The following SGCZ variants were observed in gnomAD, a reference collection of about 807,000 sequenced individuals.
SGCZ encodes the protein sarcoglycan zeta.
In SGCZ, 40 loss-of-function variants were observed where a neutral mutation model predicts 41.3. That is an observed-to-expected ratio of 0.97 (90% CI 0.75 to 1.26). The LOEUF (loss-of-function observed/expected upper bound fraction) is 1.26. Ranked by LOEUF, SGCZ falls within the 50% of genes most tolerant of loss-of-function variation. The pLI is 0.00. For synonymous variants in SGCZ, 206 were observed against 137.5 expected, an observed-to-expected ratio of 1.50 and a Z score of -3.49; for missense variants, 552 against 369.8, an observed-to-expected ratio of 1.49 and a Z score of -4.04.
chr8:15,192,140 T>C (rs1296134412), intron 1 of SGCZ, among the ~76,000 whole-genome samples: 1 of 152,074 alleles, frequency 6.6e-6, no homozygotes, highest in East Asian at 1.9e-4. Flanking sequence ...TACACCAAAA[T>C]ACTATTGGCT....
At chr8:15,083,095 G>A (rs1320113006) in intron 1 of SGCZ, among the ~76,000 whole-genome samples, 1 of 152,054 alleles carries the variant, frequency 6.6e-6, no homozygotes, top group Non-Finnish European at 1.5e-5. Flanking sequence ...ACCAGTACAA[G>A]GAGATAGATC....
At chr8:14,104,429 TAA>T (rs34950929) in intron 6 of SGCZ, among the ~76,000 whole-genome samples, 5 of 150,844 alleles carry the variant, frequency 3.3e-5, no homozygotes, top group Middle Eastern at 3.4e-3. Flanking sequence ...ACTATCAAAT[TAA>T]AAAAAAAATC....
chr8:14,563,411 C>A (rs531621223), intron 1 of SGCZ, among the ~76,000 whole-genome samples: 1 of 152,018 alleles, frequency 6.6e-6, no homozygotes, highest in African/African-American at 2.4e-5. Flanking sequence ...TGTGAGTGGA[C>A]AGAAAGAAAA....
intron 2 of SGCZ, among the ~76,000 whole-genome samples, chr8:14,481,812 G>A (rs972693671): frequency 9.9e-5 from 15 of 152,200 alleles, no homozygotes; most frequent in African/African-American, 3.6e-4. Context: ...AGGGATAACC[G>A]ATTCCTTTAT....
At chr8:14,154,783 T>C (rs998155663) in intron 5 of SGCZ, among the ~76,000 whole-genome samples, 1 of 152,114 alleles carries the variant, frequency 6.6e-6, no homozygotes, top group Non-Finnish European at 1.5e-5. Context: ...ACAGGCACCA[T>C]GAATTAAGGA....
chr8:14,677,091 C>A (rs1808301878), intron 1 of SGCZ, among the ~76,000 whole-genome samples: 1 of 151,982 alleles, frequency 6.6e-6, no homozygotes, highest in South Asian at 2.1e-4. Flanking sequence ...AAAAAAACCT[C>A]TCCTGGAGCA....
At chr8:14,743,887 A>C (rs1799269032) in intron 1 of SGCZ, among the ~76,000 whole-genome samples, 1 of 152,134 alleles carries the variant, frequency 6.6e-6, no homozygotes, top group Non-Finnish European at 1.5e-5. Flanking sequence ...TGATAGATTA[A>C]ATCCCGTGGA....
At chr8:14,590,538 T>C (rs1015098479) in intron 1 of SGCZ, among the ~76,000 whole-genome samples, 1 of 151,002 alleles carries the variant, frequency 6.6e-6, no homozygotes. Flanking sequence ...ATTTAATCTA[T>C]TATTTCTTCT....
chr8:15,089,096 G>A (rs1044902118), intron 1 of SGCZ, among the ~76,000 whole-genome samples: 1 of 152,002 alleles, frequency 6.6e-6, no homozygotes, highest in South Asian at 2.1e-4. Flanking sequence ...AAAGTCTAAC[G>A]TTAAAATGTT....
chr8:15,166,632 T>C (rs1799673887), intron 1 of SGCZ, among the ~76,000 whole-genome samples: 1 of 152,216 alleles, frequency 6.6e-6, no homozygotes, highest in South Asian at 2.1e-4. Context: ...AAAATTCTAA[T>C]GTCTGAGTAT....
chr8:14,707,071 C>T (rs1809355377), intron 1 of SGCZ, among the ~76,000 whole-genome samples: 2 of 149,688 alleles, frequency 1.3e-5, no homozygotes, highest in Non-Finnish European at 3.0e-5. Flanking sequence ...TTTTAGGGTA[C>T]ATGTGCACAA....
intron 1 of SGCZ, among the ~76,000 whole-genome samples, chr8:15,040,727 A>G (rs1394980180): frequency 6.6e-6 from 1 of 152,176 alleles, no homozygotes; most frequent in African/African-American, 2.4e-5. Context: ...ATGTTTTCCA[A>G]TAAAAAGGGC....
chr8:14,118,752 A>G (rs1336361935), intron 5 of SGCZ, among the ~76,000 whole-genome samples: 2 of 152,140 alleles, frequency 1.3e-5, no homozygotes, highest in East Asian at 3.8e-4. Context: ...GGTGCTAGGA[A>G]AGGGTCCAGT....
chr8:15,127,257 A>C (rs4537300), intron 1 of SGCZ, among the ~76,000 whole-genome samples: 1 of 29,580 alleles, frequency 3.4e-5, no homozygotes, highest in African/African-American at 4.5e-5. Context: ...CACACACACA[A>C]ACAAACACAC....
chr8:14,190,169 C>A (rs569833933), intron 4 of SGCZ, among the ~76,000 whole-genome samples: 1 of 151,668 alleles, frequency 6.6e-6, no homozygotes, highest in South Asian at 2.1e-4. Context: ...CCCGCCACCA[C>A]GCCCGGCTAA....
intron 1 of SGCZ, among the ~76,000 whole-genome samples, chr8:14,963,567 C>T (rs1350336150): frequency 1.3e-5 from 2 of 151,974 alleles, no homozygotes; most frequent in Non-Finnish European, 2.9e-5. Flanking sequence ...AGGCTGGTTT[C>T]GAACACCTGA....
chr8:14,934,095 C>A (rs992984987), intron 1 of SGCZ, among the ~76,000 whole-genome samples: 1 of 151,734 alleles, frequency 6.6e-6, no homozygotes, highest in Non-Finnish European at 1.5e-5. Context: ...TAAATATTCC[C>A]AAGTCATTAG....
chr8:15,237,175 A>G (rs1196885531), intron 1 of SGCZ, among the ~76,000 whole-genome samples: 1 of 152,044 alleles, frequency 6.6e-6, no homozygotes, highest in Non-Finnish European at 1.5e-5. Context: ...GGAGCCGGGA[A>G]GAGGAGGCAA....
intron 2 of SGCZ, among the ~76,000 whole-genome samples, chr8:14,457,486 C>T (rs1465892909): frequency 2.0e-5 from 3 of 152,204 alleles, no homozygotes; most frequent in East Asian, 1.9e-4. Context: ...TCCTCCAACT[C>T]TTGTGGAGGG....
Sources: gnomAD v4.1 joint callset for allele counts (sites outside exome capture counted in the v4.1 genomes callset) on GRCh38, gnomAD v4.1.1 for gene constraint, MANE v1.5 for transcripts, NCBI Gene and HGNC (gene_info 2026-07-23, HGNC 2026-07-21) for gene names.